SPIRE1: variants seen among roughly 807,000 people sequenced by gnomAD.
SPIRE1 encodes spire type actin nucleation factor 1.
SPIRE1 carries 40 observed loss-of-function variants against 94.1 expected under a neutral mutation model. The ratio of observed to expected loss-of-function variants is 0.43; its 90% CI spans 0.33 to 0.55. The LOEUF (loss-of-function observed/expected upper bound fraction) is 0.55. Among genes scored for constraint, SPIRE1 ranks in the 20% least tolerant of loss-of-function variants. The pLI, the probability that SPIRE1 is intolerant of heterozygous loss-of-function variation, is 0.06. For missense variants in SPIRE1, 838 were observed against 975.2 expected (o/e 0.86, Z 1.87); for synonymous variants, 376 against 371.7 (o/e 1.01, Z -0.13).
intron 3 of SPIRE1, among the ~76,000 whole-genome samples, chr18:12,539,727 C>T (rs1232413140): frequency 6.6e-6 from 1 of 151,650 alleles, no homozygotes; most frequent in Admixed American, 6.6e-5. Flanking sequence ...GAGTTTGAGA[C>T]CAGCCTGACC....
At chr18:12,536,035 T>C (rs1441605111) in intron 3 of SPIRE1, among the ~76,000 whole-genome samples, 4 of 152,084 alleles carry the variant, frequency 2.6e-5, no homozygotes, top group Non-Finnish European at 5.9e-5. Flanking sequence ...ATTCCCATCA[T>C]CCAGGGCTTA....
intron 10 of SPIRE1, among the ~76,000 whole-genome samples, chr18:12,472,481 C>T (rs1246988854): frequency 1.3e-5 from 2 of 151,206 alleles, no homozygotes; most frequent in Non-Finnish European, 2.9e-5. Context: ...GATCCTCCCA[C>T]CTCAGCCTCC....
chr18:12,559,347 T>C lies in SPIRE1; in HGVS notation c.373-12443A>G, dbSNP rs561284709. 6.6e-6 allele frequency among the ~76,000 whole-genome samples: 1 copy of C among 152,272 alleles called. No homozygotes were observed. Among genetic ancestry groups the C allele is most frequent in the Non-Finnish European group, 1.5e-5 (1 of 67,982 alleles). On this transcript the variant is annotated intron_variant, in intron 2 of 16. Transcript: ENST00000409402. The surrounding 1 kb of genome is among the most constrained non-coding windows in gnomAD (Gnocchi z 4.7). ...GCTGGCGCGGGTGCTAAGCCTCTCATTGCCCGGGCCGGCGTCGCCAGCCGG... is the reference window on the plus strand; with the variant it reads ...GCTGGCGCGGGTGCTAAGCCTCTCACTGCCCGGGCCGGCGTCGCCAGCCGG...
Position 12,657,695 on chromosome 18 carries a change from C to G in SPIRE1, c.172G>C (p.Ala58Pro). Reference protein sequence around the residue: ...LYNQPINEEQAWAVCYQCCGS... With the variant: ...LYNQPINEEQPWAVCYQCCGS... ...CAGCACTGGTAGCACACGGCCCACG[C>G]CTGCTCCTCGTTGATGGGCTGGTTG... is the stretch of plus-strand genomic sequence containing the variant. The change falls in exon 1 of 17, where the codon GCG (alanine) becomes CCG (proline). Residue 58 changes from alanine to proline, a missense_variant. By Grantham distance (27) the Ala-to-Pro change is conservative. Transcript: ENST00000409402. 7.1e-7 allele frequency: 1 copy of G among 1,407,012 alleles called. No individual in the cohort carries two copies. Among genetic ancestry groups the G allele is most frequent in the Non-Finnish European group, 9.3e-7 (1 of 1,073,750 alleles). The allele number at this position is 1,407,012 out of a possible 1,614,324, so 87.2% of individuals were successfully genotyped here.
At chr18:12,595,656 G>A (rs2036651160) in intron 2 of SPIRE1, among the ~76,000 whole-genome samples, 1 of 152,140 alleles carries the variant, frequency 6.6e-6, no homozygotes. Flanking sequence ...GTACCTATTT[G>A]TATCAGGCAC....
rs554221475 is a variant in SPIRE1, at chr18:12,559,329, C to T, written c.373-12425G>A. On this transcript the variant is annotated intron_variant, in intron 2 of 16. Coordinates refer to ENST00000409402, the MANE Select transcript of SPIRE1 (RefSeq NM_001128626.2). The surrounding 1 kb of genome is among the most constrained non-coding windows in gnomAD (Gnocchi z 4.7). ...AGCGCACCCTCCACAGCTGCTGGCG[C>T]GGGTGCTAAGCCTCTCATTGCCCGG... is the stretch of plus-strand genomic sequence containing the variant. Among the ~76,000 whole-genome samples, 133 of 152,286 alleles carry T rather than the reference C, an allele frequency of 8.7e-4. 2 individuals are homozygous for T. In the South Asian group the frequency reaches 0.025, roughly 29 times the overall value.
At chr18:12,597,199 C>T (rs1035240395) in intron 2 of SPIRE1, among the ~76,000 whole-genome samples, 1 of 133,528 alleles carries the variant, frequency 7.5e-6, no homozygotes, top group Non-Finnish European at 1.6e-5. Flanking sequence ...CACACACACA[C>T]ACACACAGAG....
At position 12,644,261 on chromosome 18, in the gene SPIRE1, A is replaced by G. The variant is rs1327231134; in HGVS notation, c.338-9165T>C. Reference sequence around the variant, plus strand: ...CTATCATTAATTTAAGGAACTTAACAATTTCCCATCAAAAACATTTAAGTT... The same window carrying G: ...CTATCATTAATTTAAGGAACTTAACGATTTCCCATCAAAAACATTTAAGTT... On this transcript the variant is annotated intron_variant, in intron 1 of 16. Coordinates refer to ENST00000409402, the MANE Select transcript of SPIRE1 (RefSeq NM_001128626.2). 2.6e-5 allele frequency among the ~76,000 whole-genome samples: 4 copies of G among 152,004 alleles called. No individual in the cohort carries two copies. In the East Asian group the frequency reaches 7.7e-4, roughly 29 times the overall value.
At chr18:12,564,916 G>T (rs1161078920) in intron 2 of SPIRE1, among the ~76,000 whole-genome samples, 1 of 152,118 alleles carries the variant, frequency 6.6e-6, no homozygotes, top group Non-Finnish European at 1.5e-5. Flanking sequence ...AGTATCTAAG[G>T]ACTGTGGGAC....
chr18:12,450,934 A>G, intron 16 of SPIRE1: 1 of 682,604 alleles, frequency 1.5e-6, no homozygotes, highest in Non-Finnish European at 2.7e-6. Flanking sequence ...AGTTGAAAGG[A>G]AAGTTTGATG....
intron 2 of SPIRE1, among the ~76,000 whole-genome samples, chr18:12,591,720 G>A (rs998710678): frequency 6.6e-6 from 1 of 152,260 alleles, no homozygotes; most frequent in East Asian, 1.9e-4. Context: ...GATCACGCCT[G>A]TAATCCCAGC....
intron 10 of SPIRE1, among the ~76,000 whole-genome samples, chr18:12,467,653 G>C (rs1488874137): frequency 2.6e-5 from 4 of 152,076 alleles, no homozygotes; most frequent in Non-Finnish European, 4.4e-5. Context: ...ACCTTCGCTA[G>C]AAATATTTTT....
rs188238233 is a variant in SPIRE1 at position 12,600,006 on chromosome 18, T to C, written c.372+35056A>G. Among the ~76,000 whole-genome samples, 542 of 149,980 alleles carry C rather than the reference T, an allele frequency of 3.6e-3. 4 individuals are homozygous for C. Among genetic ancestry groups the C allele is most frequent in the South Asian group, 0.021 (98 of 4,744 alleles). ...GGAGTCTCCTCTCCTTTGCTGGCTG[T>C]GAGGGAGCAAGTGGCCACGTTGGGA... On this transcript the variant is annotated intron_variant, in intron 2 of 16. Coordinates refer to ENST00000409402, the MANE Select transcript of SPIRE1 (RefSeq NM_001128626.2).
At chr18:12,503,544 C>T (rs758980296) in intron 6 of SPIRE1, among the ~76,000 whole-genome samples, 7 of 152,274 alleles carry the variant, frequency 4.6e-5, no homozygotes, top group Non-Finnish European at 7.4e-5. Flanking sequence ...CTAATGATGG[C>T]GAGTTGTTTT....
chr18:12,454,962 G>T (rs1279384734), intron 12 of SPIRE1, among the ~76,000 whole-genome samples: 2 of 150,942 alleles, frequency 1.3e-5, no homozygotes, highest in Non-Finnish European at 2.9e-5. Context: ...CCACAACAGG[G>T]TCTCATTCTG....
At chr18:12,655,417 A>G (rs2038513117) in intron 1 of SPIRE1, among the ~76,000 whole-genome samples, 1 of 152,236 alleles carries the variant, frequency 6.6e-6, no homozygotes, top group Admixed American at 6.5e-5. Flanking sequence ...AAAGCCAATG[A>G]GGAAATAAAC....
chr18:12,546,860 A>G lies in SPIRE1; in HGVS notation c.417T>C (p.Tyr139=), dbSNP rs2035189201. The G allele has an allele frequency of 1.2e-6, 2 of 1,613,916 alleles. No homozygotes were observed. Among genetic ancestry groups the G allele is most frequent in the African/African-American group, 1.3e-5 (1 of 74,872 alleles). ...LGIIIYKALD[Y]GLKENEEREL... ...CCCTTTCTTCATTCTCCTTCAAACCATAGTCCAGTGCTTTATAAATAATAA... is the reference window on the plus strand; with the variant it reads ...CCCTTTCTTCATTCTCCTTCAAACCGTAGTCCAGTGCTTTATAAATAATAA... Residue 139 remains tyrosine (Y), a synonymous_variant, in exon 3 of 17, where the codon TAT becomes TAC. Transcript: ENST00000409402.
At chr18:12,511,294 A>G (rs1259551732) in intron 5 of SPIRE1, among the ~76,000 whole-genome samples, 1 of 152,214 alleles carries the variant, frequency 6.6e-6, no homozygotes, top group Non-Finnish European at 1.5e-5. Flanking sequence ...GTGGTGGATG[A>G]GCAAGCGTTA....
intron 3 of SPIRE1, among the ~76,000 whole-genome samples, chr18:12,539,173 G>C (rs531497917): frequency 6.6e-6 from 1 of 152,320 alleles, no homozygotes; most frequent in East Asian, 1.9e-4. Flanking sequence ...TGGTTTGGCT[G>C]TGTCCCCACC....
Sources: gnomAD v4.1 joint callset for allele counts (sites outside exome capture counted in the v4.1 genomes callset) on GRCh38, gnomAD v4.1.1 for gene constraint, Gnocchi (gnomAD v3.1) non-coding constraint, MANE v1.5 for transcripts, NCBI Gene and HGNC (gene_info 2026-07-23, HGNC 2026-07-21) for gene names.